The following PDE1C variants were observed in gnomAD, a reference collection of about 807,000 sequenced individuals.
The protein encoded by PDE1C is dual specificity calcium/calmodulin-dependent 3',5'-cyclic nucleotide phosphodiesterase 1C.
Under a neutral mutation model 93.1 loss-of-function variants are expected in PDE1C, and 62 were observed. The observed-to-expected ratio is 0.67, with a 90% CI of 0.54 to 0.82. PDE1C has a LOEUF of 0.82. Among genes scored for constraint, PDE1C ranks in the 40% least tolerant of loss-of-function variants. PDE1C has a pLI of 0.00. For synonymous variants in PDE1C, 325 were observed against 310.1 expected (o/e 1.05, Z -0.50); for missense variants, 742 against 884.6 (o/e 0.84, Z 2.04).
intron 3 of PDE1C, among the ~76,000 whole-genome samples, chr7:32,113,238 T>TATATAC (rs1203627764): frequency 2.5e-4 from 18 of 72,064 alleles, no homozygotes; most frequent in Non-Finnish European, 4.8e-4. Context: ...TGTCCTTAAA[T>TATATAC]ATATATATAT....
At chr7:32,260,310 TGACCCTGGAAA>T (rs1197145656) in intron 1 of PDE1C, among the ~76,000 whole-genome samples, 1 of 152,250 alleles carries the variant, frequency 6.6e-6, no homozygotes, top group African/African-American at 2.4e-5. Flanking sequence ...CTCAGCTCTG[TGACCCTGGAAA>T]CCTTATTCAA....
At chr7:32,207,756 C>T (rs1417966012) in intron 2 of PDE1C, among the ~76,000 whole-genome samples, 1 of 152,210 alleles carries the variant, frequency 6.6e-6, no homozygotes, top group African/African-American at 2.4e-5. Context: ...TCAACCCAGT[C>T]ATACAGTTGA....
Position 32,070,287 on chromosome 7 carries a change from A to G in PDE1C, c.101+6T>C. 3.1e-6 allele frequency: 5 copies of G among 1,614,144 alleles called. No individual in the cohort carries two copies. The highest frequency in any genetic ancestry group is 4.2e-6 in the Non-Finnish European group (5 of 1,180,010). ...TGGGGCAGGAGAAGTAAATAGGTAT[A>G]CTTACAGCCCGCGGAGCCGAAGCCA... On this transcript the variant is annotated splice_donor_region_variant and intron_variant, in intron 1 of 17. Coordinates refer to ENST00000396191, the MANE Select transcript of PDE1C (RefSeq NM_001191057.4).
At chr7:32,189,811 T>G (rs1350738012) in intron 2 of PDE1C, among the ~76,000 whole-genome samples, 1 of 152,196 alleles carries the variant, frequency 6.6e-6, no homozygotes, top group South Asian at 2.1e-4. Flanking sequence ...TTTTTCTACT[T>G]TTTGCCCAAA....
At chr7:32,001,065 G>A (rs1251108547) in intron 2 of PDE1C, among the ~76,000 whole-genome samples, 3 of 151,836 alleles carry the variant, frequency 2.0e-5, no homozygotes, top group African/African-American at 7.3e-5. Flanking sequence ...GAAAAAACAA[G>A]GCATAGAATT....
chr7:32,165,798 C>T (rs1323295723), intron 3 of PDE1C, among the ~76,000 whole-genome samples: 2 of 152,148 alleles, frequency 1.3e-5, no homozygotes, highest in African/African-American at 4.8e-5. Context: ...AAAATACTCT[C>T]GAGTTCAAAG....
At chr7:31,882,495 C>A (rs994879389) in intron 2 of PDE1C, among the ~76,000 whole-genome samples, 1 of 152,142 alleles carries the variant, frequency 6.6e-6, no homozygotes, top group South Asian at 2.1e-4. Flanking sequence ...AAGTCTGCCT[C>A]CAGTTCTGAT....
intron 2 of PDE1C, among the ~76,000 whole-genome samples, chr7:32,193,168 G>A (rs1804355324): frequency 6.6e-6 from 1 of 151,976 alleles, no homozygotes; most frequent in Non-Finnish European, 1.5e-5. Flanking sequence ...TTATTACACT[G>A]GCTAGAGCTT....
chr7:31,677,418 G>C, the PDE1C span, among the ~76,000 whole-genome samples: 1 of 152,112 alleles, frequency 6.6e-6, no homozygotes, highest in Non-Finnish European at 1.5e-5. Flanking sequence ...TCAACCAATA[G>C]ACTGTAATGG....
intron 3 of PDE1C, among the ~76,000 whole-genome samples, chr7:32,092,198 TA>T (rs945097614): frequency 1.3e-4 from 20 of 151,848 alleles, no homozygotes; most frequent in African/African-American, 4.8e-4. Context: ...TTACTCTGTG[TA>T]GCCTGTTAGA....
In PDE1C at chr7:32,286,347, C is replaced by G. The variant is rs186053412; in HGVS notation, c.85+12304G>C. ...GTGTCAGATTCAAATCCAGATCTCT[C>G]CACTTCCCTGGATTAGTGCGTTAGT... On this transcript the variant is annotated intron_variant, in intron 1 of 18. Transcript: ENST00000396193. 2.7e-3 allele frequency among the ~76,000 whole-genome samples: 414 copies of G among 152,304 alleles called. 5 individuals are homozygous for G. Among genetic ancestry groups the G allele is most frequent in the Non-Finnish European group, 3.4e-4 (23 of 68,032 alleles).
intron 3 of PDE1C, among the ~76,000 whole-genome samples, chr7:32,121,264 C>G (rs926725925): frequency 6.6e-6 from 1 of 151,998 alleles, no homozygotes; most frequent in Non-Finnish European, 1.5e-5. Flanking sequence ...ATTGGAATAC[C>G]TGAAGGAGAC....
chr7:31,713,288 G>A, the PDE1C span, among the ~76,000 whole-genome samples: 1 of 152,188 alleles, frequency 6.6e-6, no homozygotes, highest in South Asian at 2.1e-4. Flanking sequence ...AACCAGCAGG[G>A]CAGTCAAATC....
the PDE1C span, among the ~76,000 whole-genome samples, chr7:31,681,704 G>A: frequency 2.6e-5 from 4 of 152,070 alleles, no homozygotes; most frequent in Admixed American, 6.6e-5. Flanking sequence ...CCAAATCAAC[G>A]TTCAGTGAAT....
chr7:31,907,067 TGG>T (rs974985081), intron 2 of PDE1C, among the ~76,000 whole-genome samples: 2,146 of 75,502 alleles, frequency 0.028, 46 homozygotes, highest in African/African-American at 0.063. Context: ...TCTTGATATG[TGG>T]GGTGTGTGTG....
intron 2 of PDE1C, among the ~76,000 whole-genome samples, chr7:32,202,665 T>G (rs1805096536): frequency 6.6e-6 from 1 of 152,014 alleles, no homozygotes; most frequent in African/African-American, 2.4e-5. Context: ...GCAGAGAAAT[T>G]TTGGGTCAAC....
At chr7:32,128,260 C>T (rs1010270516) in intron 3 of PDE1C, among the ~76,000 whole-genome samples, 1 of 151,650 alleles carries the variant, frequency 6.6e-6, no homozygotes, top group Non-Finnish European at 1.5e-5. Context: ...CAAATGAATG[C>T]TTTAACTATT....
intron 1 of PDE1C, among the ~76,000 whole-genome samples, chr7:32,384,392 T>G (rs1784588980): frequency 6.6e-6 from 1 of 152,164 alleles, no homozygotes; most frequent in African/African-American, 2.4e-5. Context: ...ATAAATGAAG[T>G]AATTTGCAAG....
At chr7:31,838,250 C>T (rs751571448) in intron 9 of PDE1C, among the ~76,000 whole-genome samples, 20 of 152,122 alleles carry the variant, frequency 1.3e-4, no homozygotes, top group Non-Finnish European at 2.1e-4. Context: ...TATTAAAATG[C>T]TCTTTTCTCC....
Sources: allele counts gnomAD v4.1 joint callset (sites outside exome capture counted in the v4.1 genomes callset), GRCh38; gene constraint gnomAD v4.1.1; transcripts MANE v1.5; gene names NCBI Gene and HGNC (gene_info 2026-07-23, HGNC 2026-07-21).